The following SLC25A21 variants were observed in gnomAD, a reference collection of about 807,000 sequenced individuals.
SLC25A21 encodes the protein mitochondrial 2-oxodicarboxylate carrier.
In SLC25A21, 47 loss-of-function variants were observed where a neutral mutation model predicts 43.8. That is an observed-to-expected ratio of 1.07 (90% confidence interval 0.85 to 1.37). SLC25A21 has a LOEUF of 1.37. SLC25A21 is among the 40% of genes most tolerant of loss of function. The pLI, the probability that SLC25A21 is intolerant of heterozygous loss-of-function variation, is 0.00. For missense variants in SLC25A21, 352 were observed against 350.2 expected, an observed-to-expected ratio of 1.00 and a Z score of -0.04; for synonymous variants, 131 against 121.3, an observed-to-expected ratio of 1.08 and a Z score of -0.52.
chr14:37,123,779 G>A (rs1963251491), intron 1 of SLC25A21, among the ~76,000 whole-genome samples: 1 of 152,112 alleles, frequency 6.6e-6, no homozygotes, highest in Admixed American at 6.5e-5. Flanking sequence ...CTAGCACTTT[G>A]GGAGGCTAAG....
At chr14:37,159,369 G>A (rs1217890043) in intron 1 of SLC25A21, among the ~76,000 whole-genome samples, 2 of 152,002 alleles carry the variant, frequency 1.3e-5, no homozygotes, top group Non-Finnish European at 2.9e-5. Flanking sequence ...GTATTGGTAT[G>A]AAAAGAGACA....
At chr14:36,822,945 T>A (rs1888687065) in intron 2 of SLC25A21, among the ~76,000 whole-genome samples, 1 of 152,212 alleles carries the variant, frequency 6.6e-6, no homozygotes, top group African/African-American at 2.4e-5. Flanking sequence ...TACTTGCATA[T>A]CCTTCATGAA....
chr14:36,752,494 C>T (rs1885747161), intron 3 of SLC25A21, among the ~76,000 whole-genome samples: 1 of 152,152 alleles, frequency 6.6e-6, no homozygotes, highest in Non-Finnish European at 1.5e-5. Context: ...GTGAAAACAA[C>T]CCAAATATCC....
chr14:36,721,094 A>C (rs542155955), intron 6 of SLC25A21, among the ~76,000 whole-genome samples: 1 of 152,342 alleles, frequency 6.6e-6, no homozygotes, highest in South Asian at 2.1e-4. Flanking sequence ...TTGTAAGATC[A>C]CCTTGCATCT....
At chr14:37,128,282 GC>G (rs1963330660) in intron 1 of SLC25A21, among the ~76,000 whole-genome samples, 1 of 152,174 alleles carries the variant, frequency 6.6e-6, no homozygotes, top group African/African-American at 2.4e-5. Context: ...GAAGGAACCA[GC>G]CCTGCCAACA....
intron 1 of SLC25A21, among the ~76,000 whole-genome samples, chr14:37,130,221 G>A (rs1311137759): frequency 1.3e-5 from 2 of 152,184 alleles, no homozygotes; most frequent in Non-Finnish European, 2.9e-5. Flanking sequence ...CTATGATTGG[G>A]CCTCTGTACT....
chr14:36,986,809 C>A (rs761510183), intron 1 of SLC25A21, among the ~76,000 whole-genome samples: 10 of 152,028 alleles, frequency 6.6e-5, no homozygotes, highest in Non-Finnish European at 1.0e-4. Flanking sequence ...ACGACTTCCC[C>A]CTGGGTCTTG....
chr14:36,680,736 C>A lies in SLC25A21; in HGVS notation c.839-17G>T, dbSNP rs772211183. On this transcript the variant is annotated splice_polypyrimidine_tract_variant and intron_variant, in intron 9 of 9. Transcript: ENST00000331299. ...CTGCACCACCTAGAAAAGAAAAGAG[C>A]TGTTTTTTATTGCAAATCCTCTGGA... The A allele has an allele frequency of 1.2e-6, 2 of 1,606,970 alleles. No homozygotes were observed. The highest frequency in any genetic ancestry group is 1.7e-6 in the Non-Finnish European group (2 of 1,177,570).
chr14:37,157,715 G>T (rs1437464446), intron 1 of SLC25A21, among the ~76,000 whole-genome samples: 1 of 151,778 alleles, frequency 6.6e-6, no homozygotes, highest in Non-Finnish European at 1.5e-5. Flanking sequence ...ACCCAAAACT[G>T]GCAGAAGAAA....
chr14:36,830,668 G>C (rs1235352248), intron 2 of SLC25A21, among the ~76,000 whole-genome samples: 2 of 152,090 alleles, frequency 1.3e-5, no homozygotes, highest in East Asian at 1.9e-4. Flanking sequence ...CATTAAGTTT[G>C]AGTATCAAGA....
intron 1 of SLC25A21, among the ~76,000 whole-genome samples, chr14:36,961,420 G>A (rs1959490462): frequency 6.6e-6 from 1 of 152,078 alleles, no homozygotes. Context: ...ACCGCCGTAC[G>A]TGTTTTTAAT....
chr14:36,997,231 G>T (rs1188415244), intron 1 of SLC25A21, among the ~76,000 whole-genome samples: 1 of 152,142 alleles, frequency 6.6e-6, no homozygotes, highest in Non-Finnish European at 1.5e-5. Context: ...TTGAGATTCA[G>T]TTCAATATTA....
intron 1 of SLC25A21, among the ~76,000 whole-genome samples, chr14:36,926,081 A>T (rs1051315194): frequency 6.6e-6 from 1 of 152,160 alleles, no homozygotes; most frequent in Admixed American, 6.6e-5. Flanking sequence ...TACATGAAAC[A>T]TTTACCAAAA....
intron 3 of SLC25A21, among the ~76,000 whole-genome samples, chr14:36,750,816 G>T (rs1289928079): frequency 8.5e-5 from 13 of 152,166 alleles, no homozygotes; most frequent in Admixed American, 8.5e-4. Context: ...ACCTTTGCCA[G>T]GCAGTTCCCC....
intron 1 of SLC25A21, among the ~76,000 whole-genome samples, chr14:37,040,588 C>T (rs76411283): frequency 0.044 from 6,596 of 151,422 alleles, 470 homozygotes; most frequent in African/African-American, 0.15. Flanking sequence ...TTATTGAAGG[C>T]ATCTAAATAA....
intron 1 of SLC25A21, among the ~76,000 whole-genome samples, chr14:37,051,037 T>C (rs903942699): frequency 6.6e-6 from 1 of 152,186 alleles, no homozygotes; most frequent in Non-Finnish European, 1.5e-5. Context: ...TCTTTTTCCA[T>C]TGGCCTTAGT....
In SLC25A21 at chr14:37,032,091, A is replaced by G. The variant is rs917887113; in HGVS notation, c.70+140190T>C. Among the ~76,000 whole-genome samples, 14 of 151,336 alleles carry G rather than the reference A, an allele frequency of 9.3e-5. 1 individual carries two copies. The highest frequency in any genetic ancestry group is 3.2e-4 in the African/African-American group (13 of 40,924). ...TCTTTCATTGTAGGCCTTCCCCATC[A>G]TTTTTCCCATATAGCTATCTACATG... On this transcript the variant is annotated intron_variant, in intron 1 of 9. Transcript: ENST00000331299.
intron 2 of SLC25A21, among the ~76,000 whole-genome samples, chr14:36,817,802 G>C (rs1473007288): frequency 6.6e-6 from 1 of 152,140 alleles, no homozygotes; most frequent in African/African-American, 2.4e-5. Flanking sequence ...CTTTGCCTAT[G>C]ATGTCTGCAT....
chr14:37,150,407 C>T (rs1410360652), intron 1 of SLC25A21, among the ~76,000 whole-genome samples: 1 of 152,178 alleles, frequency 6.6e-6, no homozygotes, highest in Non-Finnish European at 1.5e-5. Context: ...AAAACAGTTT[C>T]TTCCATCCCT....
Sources: gnomAD v4.1 joint callset for allele counts (sites outside exome capture counted in the v4.1 genomes callset) on GRCh38, gnomAD v4.1.1 for gene constraint, MANE v1.5 for transcripts, NCBI Gene and HGNC (gene_info 2026-07-23, HGNC 2026-07-21) for gene names.